Variants in GRAMD2A observed in about 807,000 individuals in gnomAD.
The protein encoded by GRAMD2A is GRAM domain containing 2A, also known as GRAM domain-containing protein 2A.
GRAMD2A carries 37 observed loss-of-function variants against 51.1 expected under a neutral mutation model. That is an observed-to-expected ratio of 0.72 (90% CI 0.56 to 0.95). GRAMD2A has a LOEUF of 0.95. Among genes scored for constraint, GRAMD2A ranks in the 40% least tolerant of loss-of-function variants. The pLI, the probability that GRAMD2A is intolerant of heterozygous loss-of-function variation, is 0.00. For missense variants in GRAMD2A, 414 were observed against 426.9 expected, an observed-to-expected ratio of 0.97 and a Z score of 0.27; for synonymous variants, 136 against 157.1, an observed-to-expected ratio of 0.87 and a Z score of 1.01.
intron 1 of GRAMD2A, among the ~76,000 whole-genome samples, chr15:72,189,466 T>G (rs1009322972): frequency 3.9e-5 from 6 of 152,200 alleles, no homozygotes; most frequent in African/African-American, 1.4e-4. Flanking sequence ...ATGTTACCAT[T>G]GGGGGAAACT....
chr15:72,195,247 T>G (rs1328186034), intron 1 of GRAMD2A, among the ~76,000 whole-genome samples: 1 of 152,128 alleles, frequency 6.6e-6, no homozygotes, highest in African/African-American at 2.4e-5. Context: ...GAACCTACAG[T>G]CCAATCTCCT....
intron 1 of GRAMD2A, among the ~76,000 whole-genome samples, chr15:72,194,460 GA>G (rs1042008906): frequency 2.0e-5 from 3 of 152,136 alleles, no homozygotes; most frequent in African/African-American, 7.2e-5. Context: ...CCTTATGCTT[GA>G]ATTACTTAGC....
chr15:72,176,989 C>T (rs1317604237), intron 1 of GRAMD2A, among the ~76,000 whole-genome samples: 1 of 151,190 alleles, frequency 6.6e-6, no homozygotes, highest in African/African-American at 2.4e-5. Context: ...CTAAGCCTCC[C>T]AAAGTAGGTG....
intron 1 of GRAMD2A, among the ~76,000 whole-genome samples, chr15:72,176,854 CT>C (rs60618044): frequency 0.54 from 39,291 of 72,098 alleles, 10,520 homozygotes; most frequent in Middle Eastern, 0.65. Context: ...ACCTGCAGTG[CT>C]TTTTTTTTTT....
intron 5 of GRAMD2A, 117 bp downstream of exon 5, chr15:72,167,619 G>A: frequency 1.3e-6 from 1 of 797,914 alleles, no homozygotes; most frequent in Non-Finnish European, 2.2e-6. Context: ...CAACCAGCAA[G>A]GGGCTTCACC....
At chr15:72,195,019 C>T (rs1348733883) in intron 1 of GRAMD2A, among the ~76,000 whole-genome samples, 5 of 152,190 alleles carry the variant, frequency 3.3e-5, no homozygotes, top group Non-Finnish European at 2.9e-5. Flanking sequence ...TATTTGCAAT[C>T]AGCAAAGAGC....
At chr15:72,169,995 AAC>A (rs777353987) in intron 1 of GRAMD2A, 56 bp from the exon 2 acceptor site, 3 of 1,316,598 alleles carry the variant, frequency 2.3e-6, no homozygotes, top group African/African-American at 1.4e-5. Flanking sequence ...ACCTTTCCCT[AAC>A]AGCCCCACCA....
chr15:72,163,772 G>A lies in GRAMD2A; in HGVS notation c.601-15C>T, dbSNP rs1449018050. ...ATGAGGACTTCCTGCAGTAAGACAG[G>A]AGAAGCTATCTTACCATGGCCCTTG... On this transcript the variant is annotated splice_polypyrimidine_tract_variant and intron_variant, in intron 8 of 11. Transcript: ENST00000309731. The A allele has an allele frequency of 1.2e-6, 2 of 1,607,184 alleles. No homozygotes were observed. Among genetic ancestry groups the A allele is most frequent in the African/African-American group, 2.7e-5 (2 of 74,536 alleles).
At chr15:72,175,489 C>T (rs1567086988) in intron 1 of GRAMD2A, among the ~76,000 whole-genome samples, 1 of 152,218 alleles carries the variant, frequency 6.6e-6, no homozygotes, top group African/African-American at 2.4e-5. Context: ...CCAGCACCTT[C>T]ACTTCTATGC....
rs1029327695 is a variant in GRAMD2A at position 72,166,112 on chromosome 15, A to C, written c.543+520T>G. Among the ~76,000 whole-genome samples the C allele has an allele frequency of 6.6e-6, 1 of 152,080 alleles. No homozygotes were observed. Among genetic ancestry groups the C allele is most frequent in the African/African-American group, 2.4e-5 (1 of 41,410 alleles). ...TCGAACTCTTGACCTCAGGTGATCCACCTGCCTCGGCCTCCCAAAGTGCTG... is the reference window on the plus strand; with the variant it reads ...TCGAACTCTTGACCTCAGGTGATCCCCCTGCCTCGGCCTCCCAAAGTGCTG... On this transcript the variant is annotated intron_variant, in intron 7 of 11. Coordinates refer to ENST00000309731, the MANE Select transcript of GRAMD2A (RefSeq NM_001012642.3). This position sits in a 1 kb window ranked among gnomAD's most constrained non-coding sequence, Gnocchi z 4.1.
At chr15:72,183,849 G>T (rs2081715945) in intron 1 of GRAMD2A, among the ~76,000 whole-genome samples, 1 of 152,166 alleles carries the variant, frequency 6.6e-6, no homozygotes, top group Admixed American at 6.5e-5. Context: ...AGTTACTTTG[G>T]TCAGGACAAC....
chr15:72,162,922 A>C (rs1241285097), intron 10 of GRAMD2A: 1 of 268,568 alleles, frequency 3.7e-6, no homozygotes, highest in Non-Finnish European at 7.1e-6. Context: ...AAGCTGCCCT[A>C]GTGGTGGGCA....
At chr15:72,184,115 G>T (rs2140557624) in intron 1 of GRAMD2A, among the ~76,000 whole-genome samples, 1 of 152,374 alleles carries the variant, frequency 6.6e-6, no homozygotes, top group South Asian at 2.1e-4. Context: ...TCCCCGAGGG[G>T]GTTGTTTGCA....
In GRAMD2A at chr15:72,163,820, C is replaced by T. The variant is rs2081509971; in HGVS notation, c.601-63G>A. On this transcript the variant is annotated intron_variant, in intron 8 of 11. Transcript: ENST00000309731. ...TTGCGATCTCACTTGCCCTAAGGAG[C>T]CCACACCAGGTTTATCAGAGTTTTC... 2.0e-6 allele frequency: 3 copies of T among 1,536,346 alleles called. No individual in the cohort carries two copies. In the South Asian group the frequency reaches 3.7e-5, roughly 19 times the overall value.
rs1403899390 is a variant in GRAMD2A at position 72,169,864 on chromosome 15, C to T, written c.117G>A (p.Glu39=). The change falls in exon 2 of 12, where the codon GAG becomes GAA. Residue 39 remains glutamate (E), a synonymous_variant. Coordinates refer to ENST00000309731, the MANE Select transcript of GRAMD2A (RefSeq NM_001012642.3). The part of the protein sequence containing the change: ...VSCKEKPDRV[E]EPPDYSLHWP... ...GTCCTCACCTGTAGTCCGGGGGCTC[C>T]TCAACTCTGTCTGGTTTCTCTTTGC... is the stretch of plus-strand genomic sequence containing the variant. 2.5e-6 allele frequency: 4 copies of T among 1,613,734 alleles called. No homozygotes were observed. The highest frequency in any genetic ancestry group is 1.3e-5 in the African/African-American group (1 of 74,928).
At chr15:72,188,292 C>T (rs2081746880) in intron 1 of GRAMD2A, among the ~76,000 whole-genome samples, 2 of 151,262 alleles carry the variant, frequency 1.3e-5, no homozygotes, top group South Asian at 4.2e-4. Context: ...AGCTGAGATC[C>T]TCCTACTGCA....
At chr15:72,194,759 C>T (rs2140563214) in intron 1 of GRAMD2A, among the ~76,000 whole-genome samples, 1 of 152,196 alleles carries the variant, frequency 6.6e-6, no homozygotes, top group African/African-American at 2.4e-5. Context: ...GTGATCTCAG[C>T]TCACTACAGC....
intron 1 of GRAMD2A, among the ~76,000 whole-genome samples, chr15:72,191,374 ATTT>A (rs1316337690): frequency 6.6e-6 from 1 of 151,590 alleles, no homozygotes; most frequent in East Asian, 1.9e-4. Flanking sequence ...TAATTTTTGT[ATTT>A]TTTTTAGTAG....
In GRAMD2A at chr15:72,163,215, G is replaced by T. The variant is rs1365596113; in HGVS notation, c.956+51C>A. On this transcript the variant is annotated intron_variant, in intron 10 of 11. Coordinates refer to ENST00000309731, the MANE Select transcript of GRAMD2A (RefSeq NM_001012642.3). Reference sequence around the variant, plus strand: ...CCACACTCCAAGGCCCTTGTTCCAAGCACCTAGACATGCAGGTGGGTCTGT... The same window carrying T: ...CCACACTCCAAGGCCCTTGTTCCAATCACCTAGACATGCAGGTGGGTCTGT... 3.9e-6 allele frequency: 5 copies of T among 1,273,132 alleles called. No homozygotes were observed. In the South Asian group the frequency reaches 4.8e-5, roughly 12 times the overall value. 78.9% of individuals were successfully genotyped at this position (1,273,132 alleles called of 1,614,324 possible).
Sources: gnomAD v4.1 joint callset for allele counts (sites outside exome capture counted in the v4.1 genomes callset) on GRCh38, gnomAD v4.1.1 for gene constraint, Gnocchi (gnomAD v3.1) non-coding constraint, MANE v1.5 for transcripts, NCBI Gene and HGNC (gene_info 2026-07-23, HGNC 2026-07-21) for gene names.